Variants in AMDHD2 observed in about 807,000 individuals in gnomAD.
AMDHD2 encodes amidohydrolase domain containing 2.
A neutral mutation model predicts 41.8 loss-of-function variants in AMDHD2; 24 were observed. That is an observed-to-expected ratio of 0.57 (90% CI 0.42 to 0.81). The LOEUF (loss-of-function observed/expected upper bound fraction) is 0.81. AMDHD2 is among the 30% of genes least tolerant of loss of function. The pLI, the probability that AMDHD2 is intolerant of heterozygous loss-of-function variation, is 0.00. For synonymous variants in AMDHD2, 332 were observed against 255.5 expected (o/e 1.30, Z -2.85); for missense variants, 540 against 588.5 (o/e 0.92, Z 0.85).
In AMDHD2 at chr16:2,530,389, T is replaced by C. The variant is rs375591203; in HGVS notation, c.*826T>C. 2.5e-6 allele frequency: 4 copies of C among 1,614,044 alleles called. No homozygotes were observed. The highest frequency in any genetic ancestry group is 1.3e-5 in the African/African-American group (1 of 74,940). On this transcript the variant is annotated 3_prime_UTR_variant, in exon 11 of 11. Transcript: ENST00000293971. ...TCCCCTTGGCCCTGGCACACACCCA[T>C]GTGGCAAACACGGGCCGTGAGGCTC...
rs1278706854 is a variant in AMDHD2, at chr16:2,528,473, C to A, written c.884C>A (p.Ala295Asp). Residue 295 changes from alanine to aspartate, a missense_variant, in exon 8 of 11, where the codon GCC becomes GAC. Coordinates refer to ENST00000293971, the MANE Select transcript of AMDHD2 (RefSeq NM_001330449.2). ...HPQGLVLVTD[A>D]IPALGLGNGR... ...CCAGGGCTGGTGCTGGTCACCGATG[C>A]CATCCCTGCCTTGGGCCTGGGCAAC... The A allele has an allele frequency of 2.5e-6, 4 of 1,612,694 alleles. No homozygotes were observed.
At chr16:2,523,412 C>T (rs1023613196) in intron 3 of AMDHD2, among the ~76,000 whole-genome samples, 1 of 152,104 alleles carries the variant, frequency 6.6e-6, no homozygotes, top group Non-Finnish European at 1.5e-5. Flanking sequence ...CTCAGGCTTC[C>T]TGGATTTGGC....
At position 2,527,886 on chromosome 16, in the gene AMDHD2, C is replaced by A. The variant is rs866630156; in HGVS notation, c.529C>A (p.Pro177Thr). The change falls in exon 5 of 11, where the codon CCC (proline) becomes ACC (threonine). Residue 177 changes from proline to threonine, a missense_variant. Pro to Thr is a conservative substitution (Grantham distance 38). Transcript: ENST00000293971. This position sits in a 1 kb window ranked among gnomAD's most constrained non-coding sequence, Gnocchi z 6.1. ...CCAGGACTTGCTGGCCACCTACGGG[C>A]CCCTGGACAATGTCCGCATCGTGAC... Reference protein sequence around the residue: ...AFQDLLATYGPLDNVRIVTLA... With the variant: ...AFQDLLATYGTLDNVRIVTLA... The A allele has an allele frequency of 6.3e-7, 1 of 1,596,470 alleles. No homozygotes were observed.
Position 2,527,469 on chromosome 16 carries a change from G to GA in AMDHD2, c.361-90dup. On this transcript the variant is annotated intron_variant, in intron 3 of 10. Transcript: ENST00000293971. This position sits in a 1 kb window ranked among gnomAD's most constrained non-coding sequence, Gnocchi z 6.1. ...GGGGCTGGGCTGGGTGCTGGGCTCT[G>GA]AACTCTGACCTGAGATCTCTGGCCT... is the stretch of plus-strand genomic sequence containing the variant. 1 of 1,440,906 alleles carries GA rather than the reference G, an allele frequency of 6.9e-7. No individual in the cohort carries two copies. Among genetic ancestry groups the GA allele is most frequent in the Non-Finnish European group, 9.6e-7 (1 of 1,044,842 alleles). 89.3% of individuals were successfully genotyped at this position (1,440,906 alleles called of 1,614,324 possible).
Position 2,529,663 on chromosome 16 carries a change from G to A in AMDHD2, c.*100G>A. 1 of 1,564,286 alleles carries A rather than the reference G, an allele frequency of 6.4e-7. No individual in the cohort carries two copies. The highest frequency in any genetic ancestry group is 8.6e-7 in the Non-Finnish European group (1 of 1,160,706). ...CAGGGAGTGAGTCGGGAGCCCTGCTGGATTGATGCCCAGGGCCTGTGCGGC... is the reference window on the plus strand; with the variant it reads ...CAGGGAGTGAGTCGGGAGCCCTGCTAGATTGATGCCCAGGGCCTGTGCGGC... On this transcript the variant is annotated 3_prime_UTR_variant, in exon 11 of 11. Transcript: ENST00000293971.
In AMDHD2 at chr16:2,527,623, GC is replaced by G; in HGVS notation, c.415+9del. ...ATGGGGCAGGGGTCCTCGGTGAGTGGCTGACCTCCTCCCCGCCCCCACCCTG... is the reference window on the plus strand; with the variant it reads ...ATGGGGCAGGGGTCCTCGGTGAGTGGTGACCTCCTCCCCGCCCCCACCCTG... On this transcript the variant is annotated intron_variant, in intron 4 of 10. Transcript: ENST00000293971. The surrounding 1 kb of genome is among the most constrained non-coding windows in gnomAD (Gnocchi z 6.1). The G allele has an allele frequency of 6.2e-7, 1 of 1,610,506 alleles. No homozygotes were observed. Among genetic ancestry groups the G allele is most frequent in the Non-Finnish European group, 8.5e-7 (1 of 1,178,768 alleles).
intron 3 of AMDHD2, 105 bp downstream of exon 3, chr16:2,521,228 G>A: frequency 1.5e-6 from 2 of 1,376,290 alleles, no homozygotes; most frequent in Non-Finnish European, 1.9e-6. Flanking sequence ...GTATTCCATG[G>A]TCCTGAGTCT....
In AMDHD2 at chr16:2,530,090, G is replaced by C. The variant is rs1262715029; in HGVS notation, c.*527G>C. The stretch of plus-strand genomic sequence containing the variant: ...TGTGCAGCGTGGAGCCCACAGCCTG[G>C]TTCTGGGCCAGGGCACAGTGCCAGG... On this transcript the variant is annotated 3_prime_UTR_variant, in exon 11 of 11. Transcript: ENST00000293971. The C allele has an allele frequency of 9.2e-7, 1 of 1,087,968 alleles. No homozygotes were observed. Among genetic ancestry groups the C allele is most frequent in the Non-Finnish European group, 1.3e-6 (1 of 783,916 alleles). The allele number at this position is 1,087,968 out of a possible 1,614,324, so 67.4% of individuals were successfully genotyped here.
rs759909452 is a variant in AMDHD2, at chr16:2,530,450, C to T, written c.*887C>T. The T allele has an allele frequency of 4.3e-6, 7 of 1,613,982 alleles. No homozygotes were observed. Among genetic ancestry groups the T allele is most frequent in the Admixed American group, 3.3e-5 (2 of 59,998 alleles). ...TTCGAGGCGGGTGGGCTTCTGGAGC[C>T]CTCTTGGCTCTGAGGACAGCCACAG... On this transcript the variant is annotated 3_prime_UTR_variant, in exon 11 of 11. Coordinates refer to ENST00000293971, the MANE Select transcript of AMDHD2 (RefSeq NM_001330449.2).
intron 5 of AMDHD2, 26 bp downstream of exon 5, chr16:2,528,011 T>C (rs1192426934): frequency 1.2e-6 from 2 of 1,609,860 alleles, no homozygotes; most frequent in African/African-American, 1.3e-5. Flanking sequence ...GGGGTGGGCC[T>C]GCTTGGGGGA....
In AMDHD2 at chr16:2,520,434, C is replaced by T. The variant is rs1227827620; in HGVS notation, c.-25C>T. On this transcript the variant is annotated 5_prime_UTR_variant, in exon 1 of 11. Transcript: ENST00000293971. ...ATTTGGCCGCCGCGGGGCTCCGGAG[C>T]CGCTCGCTCCCGACACGGCTCACGA... 2 of 1,226,886 alleles carry T rather than the reference C, an allele frequency of 1.6e-6. No individual in the cohort carries two copies. The highest frequency in any genetic ancestry group is 3.1e-5 in the African/African-American group (2 of 63,654). 76.0% of individuals were successfully genotyped at this position (1,226,886 alleles called of 1,614,324 possible). A position where few individuals can be genotyped will look rare whatever the true frequency, so the allele number is the denominator to read the frequency against.
chr16:2,525,188 C>T (rs1433125288), intron 3 of AMDHD2, among the ~76,000 whole-genome samples: 1 of 151,686 alleles, frequency 6.6e-6, no homozygotes, highest in Non-Finnish European at 1.5e-5. Flanking sequence ...TCCGGAGTAG[C>T]TGGGATTACA....
In AMDHD2 at chr16:2,521,659, A is replaced by G. The variant is rs144307196; in HGVS notation, c.360+536A>G. Among the ~76,000 whole-genome samples, 687 of 151,152 alleles carry G rather than the reference A, an allele frequency of 4.5e-3. 4 individuals carry two copies. Among genetic ancestry groups the G allele is most frequent in the Middle Eastern group, 0.017 (5 of 290 alleles). ...ATTTTAATTTTTACTTAGGTTCTAC[A>G]GGGTTAACTTTTTGCTGTATGTTAC... On this transcript the variant is annotated intron_variant, in intron 3 of 10. Transcript: ENST00000293971.
Position 2,520,528 on chromosome 16 carries a change from G to C in AMDHD2, c.70G>C (p.Gly24Arg). 8.1e-7 allele frequency: 1 copy of C among 1,241,132 alleles called. No homozygotes were observed. Among genetic ancestry groups the C allele is most frequent in the Non-Finnish European group, 1.0e-6 (1 of 985,662 alleles). The allele number at this position is 1,241,132 out of a possible 1,614,324, so 76.9% of individuals were successfully genotyped here. A position where few individuals can be genotyped will look rare whatever the true frequency, so the allele number is the denominator to read the frequency against. ...QFTNCRILRG[G>R]KLLREDLWVR... Reference sequence around the variant, plus strand: ...CACTAACTGCCGGATCCTGCGCGGAGGGAAACTGCTCAGGTGGGCGCGGGC... The same window carrying C: ...CACTAACTGCCGGATCCTGCGCGGACGGAAACTGCTCAGGTGGGCGCGGGC... The change falls in exon 1 of 11, where the codon GGG becomes CGG. Residue 24 changes from glycine (G) to arginine (R), a missense_variant. By Grantham distance (125) the Gly-to-Arg change is moderately radical. Transcript: ENST00000293971.
Position 2,528,377 on chromosome 16 carries a change from C to T in AMDHD2, c.859C>T (p.Gln287Ter). 6.2e-7 allele frequency: 1 copy of T among 1,612,948 alleles called. No individual in the cohort carries two copies. The highest frequency in any genetic ancestry group is 8.5e-7 in the Non-Finnish European group (1 of 1,179,936). ...GCGGATCGCCCACCGTGCCCATCCC[C>T]AGGGTAAGCTGCGGCAGGTGGCCAG... ...ALRIAHRAHPQGLVLVTDAIP... is the reference protein window; with the variant it reads ...ALRIAHRAHP The change falls in exon 7 of 11, where the codon CAG (glutamine) becomes TAG (stop). Residue 287 changes from glutamine to a stop codon, truncating the protein, a stop_gained. Transcript: ENST00000293971. LOFTEE classifies it high-confidence loss of function.
intron 8 of AMDHD2, 27 bp from the exon 9 acceptor site, chr16:2,528,623 C>T (rs370284026): frequency 3.1e-6 from 5 of 1,612,994 alleles, no homozygotes; most frequent in Non-Finnish European, 4.2e-6. Flanking sequence ...CACGACCCCC[C>T]CAGAGCCTGC....
chr16:2,526,123 G>A (rs74003020), intron 3 of AMDHD2, among the ~76,000 whole-genome samples: 8 of 152,202 alleles, frequency 5.3e-5, no homozygotes, highest in South Asian at 4.2e-4. Flanking sequence ...TCTTTTGTTC[G>A]GGCTCCTTTT....
chr16:2,521,032 G>T lies in AMDHD2; in HGVS notation c.269G>T (p.Gly90Val). ...FSQATEDVGS[G>V]VALVARRILS... ...CAAGCCACGGAGGACGTGGGTTCGG[G>T]GGTTGCCCTCGTGGCCCGGAGGATC... Residue 90 changes from glycine (G) to valine (V), a missense_variant, in exon 3 of 11, where the codon GGG becomes GTG. Coordinates refer to ENST00000293971, the MANE Select transcript of AMDHD2 (RefSeq NM_001330449.2). 1 of 1,611,464 alleles carries T rather than the reference G, an allele frequency of 6.2e-7. No homozygotes were observed. The highest frequency in any genetic ancestry group is 8.5e-7 in the Non-Finnish European group (1 of 1,178,632).
Position 2,527,972 on chromosome 16 carries a change from C to T in AMDHD2, c.615C>T (p.Ile205=). The change falls in exon 5 of 11, where the codon ATC becomes ATT. Residue 205 remains isoleucine, a synonymous_variant. Transcript: ENST00000293971. This position sits in a 1 kb window ranked among gnomAD's most constrained non-coding sequence, Gnocchi z 6.1. ...TCCGGGCGCTGACGGCCCGTGGCATCTGCGTGTCCCTAGGTGAGGGGCCGG... is the reference window on the plus strand; with the variant it reads ...TCCGGGCGCTGACGGCCCGTGGCATTTGCGTGTCCCTAGGTGAGGGGCCGG... The part of the protein sequence containing the change: ...EVIRALTARG[I]CVSLGHSVAD... 1 of 1,604,884 alleles carries T rather than the reference C, an allele frequency of 6.2e-7. No homozygotes were observed. Among genetic ancestry groups the T allele is most frequent in the Non-Finnish European group, 8.5e-7 (1 of 1,178,730 alleles).
Sources: gnomAD v4.1 joint callset for allele counts (sites outside exome capture counted in the v4.1 genomes callset) on GRCh38, gnomAD v4.1.1 for gene constraint, Gnocchi (gnomAD v3.1) non-coding constraint, MANE v1.5 for transcripts, NCBI Gene and HGNC (gene_info 2026-07-23, HGNC 2026-07-21) for gene names.